The following LRFN5 variants were observed in gnomAD, a reference collection of about 807,000 sequenced individuals.
LRFN5 encodes leucine-rich repeat and fibronectin type-III domain-containing protein 5.
In LRFN5, 24 loss-of-function variants were observed where a neutral mutation model predicts 45.6. That is an observed-to-expected ratio of 0.53 (90% CI 0.38 to 0.74). The LOEUF (loss-of-function observed/expected upper bound fraction) is 0.74, where lower values mean the gene tolerates loss of function less well. Ranked by LOEUF, LRFN5 falls within the 30% of genes least tolerant of loss-of-function variation. LRFN5 has a pLI of 0.00. For missense variants in LRFN5, 776 were observed against 861.5 expected, an observed-to-expected ratio of 0.90 and a Z score of 1.24; for synonymous variants, 340 against 313.8, an observed-to-expected ratio of 1.08 and a Z score of -0.88.
At chr14:41,829,974 C>A (rs142893319) in intron 2 of LRFN5, among the ~76,000 whole-genome samples, 13 of 151,286 alleles carry the variant, frequency 8.6e-5, no homozygotes, top group African/African-American at 2.9e-4. Context: ...TTACTTAATA[C>A]ATAAATAAAC....
intron 1 of LRFN5, among the ~76,000 whole-genome samples, chr14:41,658,296 G>A (rs1484280735): frequency 1.3e-5 from 2 of 151,936 alleles, no homozygotes; most frequent in African/African-American, 4.8e-5. Context: ...TCATAGGAGT[G>A]TAAAAAGAAA....
At chr14:41,856,675 A>ATTATTATTATTATTATT in intron 2 of LRFN5, among the ~76,000 whole-genome samples, 5 of 18,336 alleles carry the variant, frequency 2.7e-4, no homozygotes, top group African/African-American at 5.1e-4. Flanking sequence ...TATTATTATT[A>ATTATTATTATTATTATT]TTTTTTTTTT....
intron 2 of LRFN5, among the ~76,000 whole-genome samples, chr14:41,837,205 A>G (rs935770003): frequency 2.2e-4 from 33 of 151,550 alleles, no homozygotes; most frequent in African/African-American, 7.3e-4. Flanking sequence ...AAAAAAAAAA[A>G]AAAAAAAAAA....
chr14:41,900,700 T>C (rs1891076163), intron 5 of LRFN5, among the ~76,000 whole-genome samples: 1 of 152,088 alleles, frequency 6.6e-6, no homozygotes, highest in African/African-American at 2.4e-5. Context: ...CTTTCTATTA[T>C]CAGATTTAAG....
chr14:41,819,091 T>C (rs1017965898), intron 2 of LRFN5, among the ~76,000 whole-genome samples: 2 of 152,190 alleles, frequency 1.3e-5, no homozygotes, highest in Admixed American at 6.6e-5. Context: ...TATATCCATA[T>C]AGTATTCCAT....
chr14:41,646,441 G>A (rs1879823058), intron 1 of LRFN5, among the ~76,000 whole-genome samples: 2 of 152,164 alleles, frequency 1.3e-5, no homozygotes, highest in East Asian at 1.9e-4. Context: ...TTTGGGTGAG[G>A]ATATTCAACA....
intron 2 of LRFN5, among the ~76,000 whole-genome samples, chr14:41,779,697 C>T (rs1276940119): frequency 6.6e-6 from 1 of 151,808 alleles, no homozygotes; most frequent in African/African-American, 2.4e-5. Flanking sequence ...GTGTGGGTTT[C>T]AGTAGTTGTC....
At chr14:41,796,096 CA>C (rs1272479169) in intron 2 of LRFN5, among the ~76,000 whole-genome samples, 8 of 151,514 alleles carry the variant, frequency 5.3e-5, no homozygotes, top group African/African-American at 1.9e-4. Context: ...AAAGTTTTTT[CA>C]AAAATAAAAA....
intron 2 of LRFN5, among the ~76,000 whole-genome samples, chr14:41,847,182 C>G (rs1889098425): frequency 6.6e-6 from 1 of 152,032 alleles, no homozygotes; most frequent in African/African-American, 2.4e-5. Context: ...CTTTGCCCTT[C>G]TGCTCCATGA....
intron 2 of LRFN5, among the ~76,000 whole-genome samples, chr14:41,793,069 A>C (rs1886987833): frequency 6.6e-6 from 1 of 151,852 alleles, no homozygotes; most frequent in Non-Finnish European, 1.5e-5. Flanking sequence ...TAGTGGGTGC[A>C]GCGCACCAGC....
intron 1 of LRFN5, among the ~76,000 whole-genome samples, chr14:41,761,539 G>C (rs1156564404): frequency 6.6e-6 from 1 of 152,016 alleles, no homozygotes; most frequent in Non-Finnish European, 1.5e-5. Flanking sequence ...CAATAATGTT[G>C]TATTTTGTTT....
chr14:41,652,586 C>T (rs1880180748), intron 1 of LRFN5, among the ~76,000 whole-genome samples: 1 of 151,896 alleles, frequency 6.6e-6, no homozygotes, highest in Non-Finnish European at 1.5e-5. Context: ...GAGTGACAGG[C>T]TGGTTTCTAC....
intron 2 of LRFN5, among the ~76,000 whole-genome samples, chr14:41,801,049 T>G (rs888048905): frequency 2.6e-5 from 4 of 152,064 alleles, no homozygotes; most frequent in African/African-American, 4.8e-5. Context: ...TCACACTATA[T>G]CTAACAATAT....
rs1889054809 is a variant in LRFN5 at position 41,846,165 on chromosome 14, T to C, written c.-20-40441T>C. ...GTGTATCTCAGTTGGTACAACAGTA[T>C]TGGAGAACTATTTCCAGAATTTACC... On this transcript the variant is annotated intron_variant, in intron 2 of 5. Coordinates refer to ENST00000298119, the MANE Select transcript of LRFN5 (RefSeq NM_152447.5). Among the ~76,000 whole-genome samples the C allele has an allele frequency of 2.0e-5, 3 of 152,052 alleles. 1 individual carries two copies. The South Asian group carries it at 6.2e-4, about 32-fold the overall frequency.
intron 1 of LRFN5, among the ~76,000 whole-genome samples, chr14:41,690,480 G>T (rs1409305524): frequency 6.6e-6 from 1 of 152,140 alleles, no homozygotes; most frequent in Admixed American, 6.5e-5. Flanking sequence ...TTGCGCCCTT[G>T]GGAGGTGGAG....
chr14:41,758,732 G>A (rs902832898), intron 1 of LRFN5, among the ~76,000 whole-genome samples: 1 of 152,100 alleles, frequency 6.6e-6, no homozygotes, highest in African/African-American at 2.4e-5. Context: ...ATACATGACT[G>A]TTTATAATCT....
At chr14:41,783,052 G>A (rs1423180789) in intron 2 of LRFN5, among the ~76,000 whole-genome samples, 1 of 148,296 alleles carries the variant, frequency 6.7e-6, no homozygotes, top group Non-Finnish European at 1.5e-5. Flanking sequence ...TTCTCGAGAT[G>A]GTACAAGGCC....
intron 2 of LRFN5, among the ~76,000 whole-genome samples, chr14:41,802,443 G>A (rs1887368534): frequency 6.6e-6 from 1 of 152,168 alleles, no homozygotes; most frequent in Non-Finnish European, 1.5e-5. Context: ...AGGTATGAGG[G>A]TAAGGGATTC....
intron 1 of LRFN5, among the ~76,000 whole-genome samples, chr14:41,636,914 C>A (rs1472439944): frequency 6.6e-6 from 1 of 152,150 alleles, no homozygotes; most frequent in East Asian, 1.9e-4. Flanking sequence ...AGGCAGACTG[C>A]CTTGGGTTAT....
Sources: gnomAD v4.1 joint callset for allele counts (sites outside exome capture counted in the v4.1 genomes callset) on GRCh38, gnomAD v4.1.1 for gene constraint, MANE v1.5 for transcripts, NCBI Gene and HGNC (gene_info 2026-07-23, HGNC 2026-07-21) for gene names.